Variants in FUT8 observed in about 807,000 individuals in gnomAD.
The protein encoded by FUT8 is fucosyltransferase 8, also known as alpha-(1,6)-fucosyltransferase.
In FUT8, 29 loss-of-function variants were observed where a neutral mutation model predicts 71.3. That is an observed-to-expected ratio of 0.41 (90% CI 0.30 to 0.55). FUT8 has a LOEUF of 0.55. FUT8 is among the 20% of genes least tolerant of loss of function. The pLI is 0.34. For missense variants in FUT8, 544 were observed against 702.1 expected, an observed-to-expected ratio of 0.77 and a Z score of 2.55; for synonymous variants, 254 against 239.3, an observed-to-expected ratio of 1.06 and a Z score of -0.57.
intron 2 of FUT8, among the ~76,000 whole-genome samples, chr14:65,525,526 A>G (rs1223998626): frequency 1.3e-5 from 2 of 152,104 alleles, no homozygotes; most frequent in African/African-American, 4.8e-5. Context: ...TCCTGGATTC[A>G]TTGATTTTTT....
intron 5 of FUT8, among the ~76,000 whole-genome samples, chr14:65,624,822 C>A (rs910228786): frequency 6.6e-6 from 1 of 152,224 alleles, no homozygotes; most frequent in African/African-American, 2.4e-5. Context: ...CACCTGTAAT[C>A]CTAGCACTTT....
intron 9 of FUT8, among the ~76,000 whole-genome samples, chr14:65,726,092 A>C (rs957297467): frequency 6.6e-6 from 1 of 152,242 alleles, no homozygotes; most frequent in Non-Finnish European, 1.5e-5. Context: ...AGAATGAGTT[A>C]ATGTAAGAGG....
At chr14:65,492,353 A>G (rs555292771) in intron 2 of FUT8, among the ~76,000 whole-genome samples, 1 of 152,218 alleles carries the variant, frequency 6.6e-6, no homozygotes, top group Non-Finnish European at 1.5e-5. Flanking sequence ...GCAGAAACAG[A>G]CTGTAGCCAC....
At chr14:65,714,438 T>G (rs1191873878) in intron 7 of FUT8, among the ~76,000 whole-genome samples, 2 of 150,478 alleles carry the variant, frequency 1.3e-5, no homozygotes, top group Non-Finnish European at 3.0e-5. Flanking sequence ...TTTATTTATT[T>G]ATTTATTTAT....
At chr14:65,452,693 G>A (rs749746899) in intron 1 of FUT8, among the ~76,000 whole-genome samples, 1 of 152,072 alleles carries the variant, frequency 6.6e-6, no homozygotes, top group Admixed American at 6.5e-5. Flanking sequence ...GGGAAGCTGC[G>A]GAAGAACCAC....
chr14:65,664,528 T>TC (rs1333333456), intron 6 of FUT8, among the ~76,000 whole-genome samples: 1 of 152,140 alleles, frequency 6.6e-6, no homozygotes, highest in South Asian at 2.1e-4. Context: ...TCTTAACTCT[T>TC]CCTAAGGTAC....
chr14:65,521,033 G>C (rs2139860125), intron 2 of FUT8, among the ~76,000 whole-genome samples: 1 of 151,962 alleles, frequency 6.6e-6, no homozygotes, highest in South Asian at 2.1e-4. Context: ...CCAGTTTAAT[G>C]AATATGATAA....
chr14:65,686,716 CTG>C lies in FUT8; in HGVS notation c.835+17238_835+17239del, dbSNP rs904939518. ...TCATCAATTAGCAAAGAACAAGAAACTGTTTTTTTAAGAGGGCAAATTTTATG... is the reference window on the plus strand; with the variant it reads ...TCATCAATTAGCAAAGAACAAGAAACTTTTTTTAAGAGGGCAAATTTTATG... On this transcript the variant is annotated intron_variant, in intron 7 of 10. Transcript: ENST00000673929. Among the ~76,000 whole-genome samples the C allele has an allele frequency of 2.7e-4, 41 of 152,236 alleles. No individual in the cohort carries two copies. In the South Asian group the frequency reaches 2.7e-3, roughly 10 times the overall value.
intron 5 of FUT8, among the ~76,000 whole-genome samples, chr14:65,625,570 C>G (rs990779198): frequency 6.6e-6 from 1 of 152,114 alleles, no homozygotes; most frequent in African/African-American, 2.4e-5. Context: ...AGAAAATGGA[C>G]AAGGCATCAC....
At chr14:65,459,797 G>A (rs1594653939) in intron 2 of FUT8, among the ~76,000 whole-genome samples, 1 of 151,796 alleles carries the variant, frequency 6.6e-6, no homozygotes, top group East Asian at 1.9e-4. Context: ...GCCAGGCCTT[G>A]GAAATTATTG....
intron 2 of FUT8, among the ~76,000 whole-genome samples, chr14:65,508,059 G>A (rs1274975214): frequency 7.0e-6 from 1 of 143,538 alleles, no homozygotes; most frequent in Non-Finnish European, 1.5e-5. Context: ...GATCAGTGAT[G>A]TTAAACACTT....
chr14:65,726,268 G>C (rs916042830), intron 9 of FUT8, among the ~76,000 whole-genome samples: 2 of 152,106 alleles, frequency 1.3e-5, no homozygotes, highest in African/African-American at 4.8e-5. Context: ...TTTTTTCCTT[G>C]TTTTCTTGAT....
At chr14:65,521,281 G>C (rs1020261169) in intron 2 of FUT8, among the ~76,000 whole-genome samples, 6 of 152,104 alleles carry the variant, frequency 3.9e-5, no homozygotes, top group Non-Finnish European at 7.4e-5. Context: ...CATGATGTTA[G>C]CATTTATAAT....
At chr14:65,557,222 C>A (rs144513503) in intron 2 of FUT8, among the ~76,000 whole-genome samples, 244 of 152,060 alleles carry the variant, frequency 1.6e-3, no homozygotes, top group African/African-American at 5.5e-3. Flanking sequence ...CAAATATTAC[C>A]CAAAGAATCT....
At chr14:65,451,293 G>C (rs938106747) in intron 1 of FUT8, among the ~76,000 whole-genome samples, 1 of 152,240 alleles carries the variant, frequency 6.6e-6, no homozygotes, top group South Asian at 2.1e-4. Context: ...GACCCACTGC[G>C]TTCTGCCCCT....
chr14:65,430,352 T>A (rs576949585), intron 1 of FUT8: 8 of 152,246 alleles, frequency 5.3e-5, no homozygotes, highest in African/African-American at 1.9e-4. Flanking sequence ...TGAAAATGTG[T>A]TATGCCATAT....
intron 2 of FUT8, among the ~76,000 whole-genome samples, chr14:65,555,774 CTAG>C (rs1289092896): frequency 1.3e-5 from 2 of 152,090 alleles, no homozygotes; most frequent in African/African-American, 4.8e-5. Flanking sequence ...TTAAAGTTTT[CTAG>C]TTTATATGTG....
Position 65,629,489 on chromosome 14 carries a change from C to T in FUT8, c.483-3C>T. 6.2e-7 allele frequency: 1 copy of T among 1,600,150 alleles called. No homozygotes were observed. Among genetic ancestry groups the T allele is most frequent in the Non-Finnish European group, 8.6e-7 (1 of 1,167,860 alleles). ...CGATCTCCATTGTTGTTTGTTTTAACAGGTCTATAATGACGGATCTATACT... is the reference window on the plus strand; with the variant it reads ...CGATCTCCATTGTTGTTTGTTTTAATAGGTCTATAATGACGGATCTATACT... On this transcript the variant is annotated splice_region_variant and splice_polypyrimidine_tract_variant and intron_variant, in intron 5 of 10. Coordinates refer to ENST00000673929, the MANE Select transcript of FUT8 (RefSeq NM_001371533.1).
At chr14:65,592,942 A>G (rs1383524614) in intron 3 of FUT8, among the ~76,000 whole-genome samples, 2 of 152,148 alleles carry the variant, frequency 1.3e-5, no homozygotes, top group African/African-American at 4.8e-5. Flanking sequence ...GGACCAAGGC[A>G]TGTTCTATAC....
Sources: allele counts gnomAD v4.1 joint callset (sites outside exome capture counted in the v4.1 genomes callset), GRCh38; gene constraint gnomAD v4.1.1; transcripts MANE v1.5; gene names NCBI Gene and HGNC (gene_info 2026-07-23, HGNC 2026-07-21).